LAMA2: variants seen among roughly 807,000 people sequenced by gnomAD.
LAMA2 encodes the protein laminin subunit alpha-2.
In LAMA2, 269 loss-of-function variants were observed where a neutral mutation model predicts 364.8. That is an observed-to-expected ratio of 0.74 (90% CI 0.67 to 0.82). LAMA2 has a LOEUF of 0.82. LAMA2 is among the 40% of genes least tolerant of loss of function. The pLI, the probability that LAMA2 is intolerant of heterozygous loss-of-function variation, is 0.00. For synonymous variants in LAMA2, 1,379 were observed against 1,370.6 expected, an observed-to-expected ratio of 1.01 and a Z score of -0.14; for missense variants, 3,807 against 3,873.2, an observed-to-expected ratio of 0.98 and a Z score of 0.45.
chr6:129,238,574 TGTGAGAGAGAGAGA>T (rs1785170771), intron 12 of LAMA2, among the ~76,000 whole-genome samples: 1 of 141,102 alleles, frequency 7.1e-6, no homozygotes, highest in Non-Finnish European at 1.5e-5. Flanking sequence ...TGTGTGTGTG[TGTGAGAGAGAGAGA>T]GAGAGAGAGA....
chr6:128,922,472 T>C (rs1402822915), intron 1 of LAMA2, among the ~76,000 whole-genome samples: 2 of 151,480 alleles, frequency 1.3e-5, no homozygotes, highest in Non-Finnish European at 2.9e-5. Context: ...TGGTGAGCAT[T>C]TTTTCATGTG....
At chr6:129,050,123 G>T in intron 2 of LAMA2, 35 bp downstream of exon 2, 1 of 1,609,470 alleles carries the variant, frequency 6.2e-7, no homozygotes, top group Non-Finnish European at 8.5e-7. Flanking sequence ...GTGGCGCTGG[G>T]TAGGATCTAT....
At chr6:129,478,187 A>G (rs1019229523) in intron 53 of LAMA2, among the ~76,000 whole-genome samples, 1 of 152,192 alleles carries the variant, frequency 6.6e-6, no homozygotes, top group Admixed American at 6.5e-5. Context: ...TTAAAGAGAT[A>G]TGTAATATTA....
intron 50 of LAMA2, among the ~76,000 whole-genome samples, chr6:129,464,795 A>G (rs754454268): frequency 6.6e-6 from 1 of 151,970 alleles, no homozygotes; most frequent in African/African-American, 2.4e-5. Context: ...AAAGGTGATT[A>G]TAAGTATTCT....
intron 1 of LAMA2, among the ~76,000 whole-genome samples, chr6:128,911,390 A>G (rs1213957041): frequency 1.3e-5 from 2 of 152,088 alleles, no homozygotes; most frequent in African/African-American, 4.8e-5. Context: ...GGTGGGAGTG[A>G]CCAGATTTTC....
At chr6:129,411,055 ATATTGAGGAGGGCAATCTCTTT>A (rs1410251442) in intron 40 of LAMA2, among the ~76,000 whole-genome samples, 1 of 152,188 alleles carries the variant, frequency 6.6e-6, no homozygotes, top group African/African-American at 2.4e-5. Flanking sequence ...ATGCACAGCA[ATATTGAGGAGGGCAATCTCTTT>A]TACTGTCATC....
chr6:129,288,436 G>A (rs1789439301), intron 19 of LAMA2, among the ~76,000 whole-genome samples: 2 of 151,704 alleles, frequency 1.3e-5, no homozygotes, highest in African/African-American at 4.8e-5. Flanking sequence ...AATTTTTTCT[G>A]CCCATGATAT....
Position 129,059,829 on chromosome 6 carries a change from G to A in LAMA2, c.329G>A (p.Trp110Ter), listed in dbSNP as rs1441933780. The A allele has an allele frequency of 2.5e-6, 4 of 1,611,056 alleles. No homozygotes were observed. Among genetic ancestry groups the A allele is most frequent in the Non-Finnish European group, 3.4e-6 (4 of 1,177,294 alleles). ...TNAIDGKNTW[W>*]QSPSIKNGIE... is the part of the protein sequence containing the mutation. Reference sequence around the variant, plus strand: ...GCTATTGATGGAAAGAACACTTGGTGGCAGAGTCCCAGTATTAAGAATGGA... The same window carrying A: ...GCTATTGATGGAAAGAACACTTGGTAGCAGAGTCCCAGTATTAAGAATGGA... Residue 110 changes from tryptophan (W) to a stop codon, truncating the protein, a stop_gained, in exon 3 of 65, where the codon TGG becomes TAG. Coordinates refer to ENST00000421865, the MANE Select transcript of LAMA2 (RefSeq NM_000426.4). LOFTEE classifies it high-confidence loss of function.
Position 129,158,404 on chromosome 6 carries a change from C to G in LAMA2, c.1206+3721C>G. The G allele has an allele frequency of 8.7e-6, 14 of 1,613,982 alleles. 1 individual carries two copies. The South Asian group carries it at 1.4e-4, about 16-fold the overall frequency. ...ACTTCTCCATATCGGCCTTTACCAA[C>G]TTGCCGGACCATCTGAATCTGTTTG... On this transcript the variant is annotated intron_variant, in intron 8 of 64. Transcript: ENST00000421865.
At chr6:129,025,775 A>G (rs967469447) in intron 1 of LAMA2, among the ~76,000 whole-genome samples, 17 of 152,186 alleles carry the variant, frequency 1.1e-4, no homozygotes, top group African/African-American at 3.6e-4. Flanking sequence ...TCATTTAAGG[A>G]AATTGCATTT....
At chr6:129,148,934 T>G in intron 6 of LAMA2, 45 bp from the exon 7 acceptor site, 2 of 1,278,958 alleles carry the variant, frequency 1.6e-6, no homozygotes, top group African/African-American at 1.5e-5. Context: ...CCTTTATGGT[T>G]CTAAATGAGG....
At chr6:128,970,669 T>C (rs1562881930) in intron 1 of LAMA2, among the ~76,000 whole-genome samples, 1 of 152,240 alleles carries the variant, frequency 6.6e-6, no homozygotes, top group Non-Finnish European at 1.5e-5. Context: ...TGGAAAATCA[T>C]ATTCTAACTT....
intron 40 of LAMA2, among the ~76,000 whole-genome samples, chr6:129,425,377 C>G (rs974644919): frequency 1.3e-5 from 2 of 151,994 alleles, no homozygotes; most frequent in African/African-American, 2.4e-5. Context: ...TTCCTCTTTT[C>G]TCTCTTACCA....
chr6:128,896,933 T>C (rs1448377639), intron 1 of LAMA2, among the ~76,000 whole-genome samples: 1 of 152,262 alleles, frequency 6.6e-6, no homozygotes, highest in African/African-American at 2.4e-5. Context: ...TTAACATCTA[T>C]GGAATACCTA....
rs1583281618 is a variant in LAMA2 at position 129,221,493 on chromosome 6, T to C, written c.1783-28619T>C. Reference sequence around the variant, plus strand: ...ACATATGGAAGGATCTTGAGTCTTATAGCAATATTGATGAGCAAATCAATA... The same window carrying C: ...ACATATGGAAGGATCTTGAGTCTTACAGCAATATTGATGAGCAAATCAATA... On this transcript the variant is annotated intron_variant, in intron 12 of 64. Coordinates refer to ENST00000421865, the MANE Select transcript of LAMA2 (RefSeq NM_000426.4). Among the ~76,000 whole-genome samples, 3 of 151,748 alleles carry C rather than the reference T, an allele frequency of 2.0e-5. No homozygotes were observed. The South Asian group carries it at 6.2e-4, about 32-fold the overall frequency.
intron 56 of LAMA2, among the ~76,000 whole-genome samples, chr6:129,486,955 A>G (rs9372934): frequency 0.63 from 95,810 of 151,676 alleles, 31,214 homozygotes; most frequent in Middle Eastern, 0.72. Context: ...TGCACACAGC[A>G]AAACTCACAA....
intron 1 of LAMA2, among the ~76,000 whole-genome samples, chr6:128,974,695 C>T (rs9492168): frequency 0.054 from 8,191 of 152,140 alleles, 699 homozygotes; most frequent in African/African-American, 0.18. Context: ...GGAAATGAGC[C>T]TGTGGGTTCA....
chr6:128,919,616 TCAC>T (rs1344259172), intron 1 of LAMA2, among the ~76,000 whole-genome samples: 1 of 152,206 alleles, frequency 6.6e-6, no homozygotes, highest in Non-Finnish European at 1.5e-5. Context: ...CTAGAAATCA[TCAC>T]TGTGGCCTTC....
At chr6:128,955,855 T>A (rs564200268) in intron 1 of LAMA2, among the ~76,000 whole-genome samples, 1 of 152,124 alleles carries the variant, frequency 6.6e-6, no homozygotes, top group Admixed American at 6.6e-5. Context: ...ATTTTTTAGA[T>A]GATAGCTACA....
Sources: gnomAD v4.1 joint callset for allele counts (sites outside exome capture counted in the v4.1 genomes callset) on GRCh38, gnomAD v4.1.1 for gene constraint, MANE v1.5 for transcripts, NCBI Gene and HGNC (gene_info 2026-07-23, HGNC 2026-07-21) for gene names.